Variants in EMB observed in about 807,000 individuals in gnomAD.
EMB encodes the protein embigin homolog.
EMB carries 31 observed loss-of-function variants against 41.4 expected under a neutral mutation model. The ratio of observed to expected loss-of-function variants is 0.75; its 90% CI spans 0.56 to 1.01. EMB has a LOEUF of 1.01. Ranked by LOEUF, EMB falls within the 50% of genes least tolerant of loss-of-function variation. The probability of loss-of-function intolerance (pLI) is 0.00; values close to 1 mark genes in which losing one functional copy is unlikely to be tolerated. For synonymous variants in EMB, 137 were observed against 140.4 expected, an observed-to-expected ratio of 0.98 and a Z score of 0.17; for missense variants, 379 against 388.3, an observed-to-expected ratio of 0.98 and a Z score of 0.20.
chr5:50,434,496 AG>A, intron 1 of EMB, among the ~76,000 whole-genome samples: 1 of 152,274 alleles, frequency 6.6e-6, no homozygotes, highest in Middle Eastern at 3.4e-3. Context: ...CACATGCTGG[AG>A]GGACGCTGAA....
At chr5:50,435,643 T>G (rs1043629609) in intron 1 of EMB, among the ~76,000 whole-genome samples, 2 of 152,232 alleles carry the variant, frequency 1.3e-5, no homozygotes, top group African/African-American at 2.4e-5. Context: ...TCTTTGATCA[T>G]TTGATCAAAG....
Position 50,403,328 on chromosome 5 carries a change from A to G in EMB, c.727T>C (p.Leu243=), listed in dbSNP as rs778069835. 6.2e-7 allele frequency: 1 copy of G among 1,612,800 alleles called. No homozygotes were observed. ...TCAATGTGTTCTTCACTCTCGCCTAATTGGAATAGTGCACGGCACCAGTAA... is the reference window on the plus strand; with the variant it reads ...TCAATGTGTTCTTCACTCTCGCCTAGTTGGAATAGTGCACGGCACCAGTAA... ...ESYWCRALFQ[L]GESEEHIELV... The change falls in exon 6 of 9, where the codon TTA becomes CTA. Residue 243 remains leucine (L), a synonymous_variant. Coordinates refer to ENST00000303221, the MANE Select transcript of EMB (RefSeq NM_198449.3).
At chr5:50,424,944 T>A (rs1745585599) in intron 2 of EMB, among the ~76,000 whole-genome samples, 1 of 152,186 alleles carries the variant, frequency 6.6e-6, no homozygotes, top group African/African-American at 2.4e-5. Flanking sequence ...GGTAGATCCC[T>A]CTTCCATCTT....
In EMB at chr5:50,440,182, G is replaced by A. The variant is rs1371566600; in HGVS notation, c.112+858C>T. On this transcript the variant is annotated intron_variant, in intron 1 of 8. Transcript: ENST00000303221. ...AAGATACACACACGTTATCCTGTAA[G>A]TTGTGGATCTTTGGTTGGCTAGTTG... 2.6e-5 allele frequency among the ~76,000 whole-genome samples: 4 copies of A among 152,092 alleles called. No individual in the cohort carries two copies. The East Asian group carries it at 5.8e-4, about 22-fold the overall frequency.
intron 2 of EMB, among the ~76,000 whole-genome samples, chr5:50,416,169 T>C (rs1404727495): frequency 2.0e-5 from 3 of 152,226 alleles, no homozygotes; most frequent in African/African-American, 2.4e-5. Flanking sequence ...AACAAACTAA[T>C]GTGAGCTCAG....
chr5:50,399,783 A>C, intron 8 of EMB, 76 bp downstream of exon 8: 1 of 1,212,722 alleles, frequency 8.2e-7, no homozygotes, highest in South Asian at 1.3e-5. Context: ...AACTAAAAAA[A>C]AGTAACTGAT....
chr5:50,434,927 T>C (rs1474448206), intron 1 of EMB, among the ~76,000 whole-genome samples: 2 of 152,224 alleles, frequency 1.3e-5, no homozygotes, highest in Admixed American at 6.5e-5. Flanking sequence ...CACCTTATAT[T>C]GTGCCATATG....
chr5:50,407,420 C>T (rs1411260439), intron 4 of EMB, among the ~76,000 whole-genome samples: 2 of 151,960 alleles, frequency 1.3e-5, no homozygotes, highest in Non-Finnish European at 2.9e-5. Flanking sequence ...ATTAAACCAT[C>T]CCAACTAAAT....
chr5:50,412,728 G>T (rs1279746928), intron 2 of EMB, among the ~76,000 whole-genome samples: 2 of 151,708 alleles, frequency 1.3e-5, no homozygotes, highest in African/African-American at 4.8e-5. Flanking sequence ...AGTTTAATTC[G>T]CGGAGCCTGA....
chr5:50,414,230 C>A (rs1328575612), intron 2 of EMB, among the ~76,000 whole-genome samples: 1 of 152,014 alleles, frequency 6.6e-6, no homozygotes. Context: ...AATAATACAA[C>A]TCAAATAAAA....
rs376809326 is a variant in EMB at position 50,411,245 on chromosome 5, T to C, written c.335A>G (p.Asn112Ser). Residue 112 changes from asparagine to serine, a missense_variant, in exon 3 of 9, where the codon AAT becomes AGT. Asn to Ser is a conservative substitution (Grantham distance 46). Transcript: ENST00000303221. Reference sequence around the variant, plus strand: ...TCCTGTTGCACTGACAAGATAATTATTCTCAAGTTGTTCACCATCTTTTTT... The same window carrying C: ...TCCTGTTGCACTGACAAGATAATTACTCTCAAGTTGTTCACCATCTTTTTT... ...TWKKDGEQLE[N>S]NYLVSATGST... 6.2e-7 allele frequency: 1 copy of C among 1,613,020 alleles called. No homozygotes were observed. The highest frequency in any genetic ancestry group is 8.5e-7 in the Non-Finnish European group (1 of 1,179,320).
intron 2 of EMB, among the ~76,000 whole-genome samples, chr5:50,412,244 A>C (rs1364547475): frequency 8.2e-6 from 1 of 122,096 alleles, no homozygotes; most frequent in Non-Finnish European, 1.8e-5. Context: ...CACACACCAC[A>C]CACACACACA....
chr5:50,412,553 C>T (rs769355602), intron 2 of EMB, among the ~76,000 whole-genome samples: 10 of 152,214 alleles, frequency 6.6e-5, no homozygotes, highest in Non-Finnish European at 8.8e-5. Flanking sequence ...TTTCCTAAAA[C>T]TCATTTCGTT....
At chr5:50,400,012 T>G (rs1385833048) in intron 7 of EMB, 99 bp from the exon 8 acceptor site, 1 of 728,970 alleles carries the variant, frequency 1.4e-6, no homozygotes, top group East Asian at 3.1e-5. Flanking sequence ...ATGTAAAATG[T>G]CAATACGGAC....
At chr5:50,433,822 A>T (rs528772080) in intron 1 of EMB, among the ~76,000 whole-genome samples, 1 of 152,328 alleles carries the variant, frequency 6.6e-6, no homozygotes, top group African/African-American at 2.4e-5. Flanking sequence ...AGGTGTTGGC[A>T]GGACCTTCCT....
intron 1 of EMB, among the ~76,000 whole-genome samples, chr5:50,436,528 C>T (rs1745806003): frequency 6.6e-6 from 1 of 152,220 alleles, no homozygotes; most frequent in African/African-American, 2.4e-5. Context: ...GTCTGACCCT[C>T]CTACATGCTT....
In EMB at chr5:50,410,920, G is replaced by T; in HGVS notation, c.429C>A (p.Phe143Leu). ...NSKQMGSYSC[F>L]FREEKEQRGT... Reference sequence around the variant, plus strand: ...CCCTTTGTTCCTTTTCCTCTCGAAAGAAACAAGAATAACTTCCCATTTGTT... The same window carrying T: ...CCCTTTGTTCCTTTTCCTCTCGAAATAAACAAGAATAACTTCCCATTTGTT... The change falls in exon 4 of 9, where the codon TTC (phenylalanine) becomes TTA (leucine). Residue 143 changes from phenylalanine to leucine, a missense_variant. By Grantham distance (22) the Phe-to-Leu change is conservative. Transcript: ENST00000303221. The T allele has an allele frequency of 1.2e-6, 2 of 1,605,688 alleles. No homozygotes were observed. The highest frequency in any genetic ancestry group is 8.5e-7 in the Non-Finnish European group (1 of 1,176,864).
rs1318299081 is a variant in EMB at position 50,421,884 on chromosome 5, G to A, written c.196+6260C>T. 5.8e-5 allele frequency among the ~76,000 whole-genome samples: 8 copies of A among 137,468 alleles called. No homozygotes were observed. The East Asian group carries it at 6.7e-4, about 12-fold the overall frequency. 90.2% of individuals were successfully genotyped at this position (137,468 alleles called of 152,430 possible). Reference sequence around the variant, plus strand: ...CACAGGAAGGGGAACATCACACACCGGGGCCCGTTGTGGGGTGGGGGGAGG... The same window carrying A: ...CACAGGAAGGGGAACATCACACACCAGGGCCCGTTGTGGGGTGGGGGGAGG... On this transcript the variant is annotated intron_variant, in intron 2 of 8. Coordinates refer to ENST00000303221, the MANE Select transcript of EMB (RefSeq NM_198449.3).
Position 50,419,536 on chromosome 5 carries a change from T to TAC in EMB, c.197-8155_197-8154dup, listed in dbSNP as rs371940991. Among the ~76,000 whole-genome samples, 686 of 142,832 alleles carry TAC rather than the reference T, an allele frequency of 4.8e-3. 3 individuals are homozygous for TAC. The highest frequency in any genetic ancestry group is 0.018 in the African/African-American group (634 of 36,122). 93.7% of individuals were successfully genotyped at this position (142,832 alleles called of 152,430 possible). ...AAACTTAAACAGAACCCCCACTACA[T>TAC]ACACACACACATACACACACACACA... is the stretch of plus-strand genomic sequence containing the variant. On this transcript the variant is annotated intron_variant, in intron 2 of 8. Transcript: ENST00000303221.
Sources: gnomAD v4.1 joint callset for allele counts (sites outside exome capture counted in the v4.1 genomes callset) on GRCh38, gnomAD v4.1.1 for gene constraint, MANE v1.5 for transcripts, NCBI Gene and HGNC (gene_info 2026-07-23, HGNC 2026-07-21) for gene names.